The following UBR1 variants were observed in gnomAD, a reference collection of about 807,000 sequenced individuals.
The protein encoded by UBR1 is ubiquitin protein ligase E3 component n-recognin 1, also known as E3 ubiquitin-protein ligase UBR1.
A neutral mutation model predicts 242.1 loss-of-function variants in UBR1; 102 were observed. The observed-to-expected ratio is 0.42, with a 90% confidence interval of 0.36 to 0.50. The LOEUF (loss-of-function observed/expected upper bound fraction) is 0.50. Among genes scored for constraint, UBR1 ranks in the 20% least tolerant of loss-of-function variants. The pLI, the probability that UBR1 is intolerant of heterozygous loss-of-function variation, is 0.01. For synonymous variants in UBR1, 675 were observed against 684.8 expected, an observed-to-expected ratio of 0.99 and a Z score of 0.22; for missense variants, 1,772 against 2,101.8, an observed-to-expected ratio of 0.84 and a Z score of 3.07.
At chr15:43,055,953 G>A (rs569429292) in intron 11 of UBR1, among the ~76,000 whole-genome samples, 2 of 152,110 alleles carry the variant, frequency 1.3e-5, no homozygotes, top group Non-Finnish European at 2.9e-5. Context: ...GGTATACAAA[G>A]GAAGCAGAAT....
At chr15:43,077,740 T>G (rs1201274701) in intron 3 of UBR1, among the ~76,000 whole-genome samples, 2 of 151,542 alleles carry the variant, frequency 1.3e-5, no homozygotes, top group Non-Finnish European at 2.9e-5. Flanking sequence ...ATGTATAAAG[T>G]ATTTTAATTT....
intron 10 of UBR1, among the ~76,000 whole-genome samples, chr15:43,057,264 T>A (rs969435363): frequency 6.6e-6 from 1 of 152,208 alleles, no homozygotes; most frequent in Admixed American, 6.5e-5. Context: ...ACAACAAATG[T>A]CTTAGTTACT....
rs1173015137 is a variant in UBR1 at position 42,966,289 on chromosome 15, AG to A, written c.4458-4del. ...CAGGAATATCACACCCAATGGAGCT[AG>A]GAGACAATAATTCCAGAAGAGAACA... is the stretch of plus-strand genomic sequence containing the variant. On this transcript the variant is annotated splice_polypyrimidine_tract_variant and splice_region_variant and intron_variant, in intron 40 of 46. Transcript: ENST00000290650. 2 of 1,614,058 alleles carry A rather than the reference AG, an allele frequency of 1.2e-6. No homozygotes were observed. The highest frequency in any genetic ancestry group is 1.7e-6 in the Non-Finnish European group (2 of 1,180,048).
At chr15:43,037,548 T>TA (rs1352849388) in intron 17 of UBR1, among the ~76,000 whole-genome samples, 1 of 152,116 alleles carries the variant, frequency 6.6e-6, no homozygotes, top group Non-Finnish European at 1.5e-5. Context: ...GGCTTTCCCT[T>TA]AATTTATCAC....
intron 35 of UBR1, 22 bp downstream of exon 35, chr15:42,988,791 TCCAAAC>T: frequency 6.2e-7 from 1 of 1,614,074 alleles, no homozygotes; most frequent in Non-Finnish European, 8.5e-7. Flanking sequence ...CACTGAAACC[TCCAAAC>T]CAGTTTTCTT....
At chr15:43,013,456 T>C (rs1339156646) in intron 29 of UBR1, among the ~76,000 whole-genome samples, 1 of 152,242 alleles carries the variant, frequency 6.6e-6, no homozygotes. Flanking sequence ...ATACCTGTAG[T>C]TATAGGCAAT....
intron 1 of UBR1, among the ~76,000 whole-genome samples, chr15:43,094,051 C>T (rs2141367654): frequency 6.6e-6 from 1 of 152,236 alleles, no homozygotes; most frequent in East Asian, 1.9e-4. Context: ...AACTTGATTA[C>T]CCTTATGAAA....
chr15:43,052,284 T>G (rs1164932380), intron 12 of UBR1, among the ~76,000 whole-genome samples: 3 of 152,242 alleles, frequency 2.0e-5, no homozygotes, highest in African/African-American at 7.2e-5. Context: ...AGAAAAGACC[T>G]GGCAGGTATG....
chr15:43,016,718 A>C (rs1156444410), intron 28 of UBR1, among the ~76,000 whole-genome samples: 1 of 152,158 alleles, frequency 6.6e-6, no homozygotes, highest in African/African-American at 2.4e-5. Flanking sequence ...CTGGGACTAC[A>C]TGAGCAAGCC....
intron 41 of UBR1, among the ~76,000 whole-genome samples, chr15:42,965,080 T>C (rs553619645): frequency 1.8e-4 from 28 of 152,326 alleles, no homozygotes; most frequent in Non-Finnish European, 3.5e-4. Context: ...GACTTTTTTG[T>C]ATGTGAGCAA....
intron 39 of UBR1, among the ~76,000 whole-genome samples, chr15:42,974,724 T>A (rs1596081559): frequency 6.6e-6 from 1 of 152,140 alleles, no homozygotes. Flanking sequence ...TCCTTACACA[T>A]CAGCCTCCCA....
At chr15:43,010,392 A>G (rs1011698343) in intron 29 of UBR1, among the ~76,000 whole-genome samples, 1 of 152,194 alleles carries the variant, frequency 6.6e-6, no homozygotes, top group Admixed American at 6.5e-5. Flanking sequence ...ATATAAGAAC[A>G]TACATAGATT....
chr15:43,054,618 T>TCAA, intron 12 of UBR1, 124 bp downstream of exon 12: 1 of 1,078,252 alleles, frequency 9.3e-7, no homozygotes, highest in Non-Finnish European at 1.4e-6. Flanking sequence ...CAGTTCTTTG[T>TCAA]ACTTGCCATC....
intron 12 of UBR1, among the ~76,000 whole-genome samples, chr15:43,052,050 T>C (rs146870864): frequency 6.6e-6 from 1 of 152,238 alleles, no homozygotes; most frequent in Non-Finnish European, 1.5e-5. Flanking sequence ...AAAAAGCAAG[T>C]GACAAAACTA....
intron 27 of UBR1, among the ~76,000 whole-genome samples, chr15:43,019,806 A>G (rs989886145): frequency 2.1e-5 from 3 of 143,842 alleles, no homozygotes. Flanking sequence ...GGGTTTCACC[A>G]TCTTGGCCAG....
Position 43,082,722 on chromosome 15 carries a change from A to G in UBR1, c.339-6T>C, listed in dbSNP as rs1596136331. 8 of 1,613,074 alleles carry G rather than the reference A, an allele frequency of 5.0e-6. No homozygotes were observed. Among genetic ancestry groups the G allele is most frequent in the African/African-American group, 1.3e-5 (1 of 74,894 alleles). ...TTGGATCAATTGCACAATCCCTGAA[A>G]AAGATCAGAAATCAGATTCCAAAAT... On this transcript the variant is annotated splice_region_variant and splice_polypyrimidine_tract_variant and intron_variant, in intron 2 of 46. Transcript: ENST00000290650.
In UBR1 at chr15:43,015,675, T is replaced by A. The variant is rs745984112; in HGVS notation, c.3209+13A>T. On this transcript the variant is annotated intron_variant, in intron 29 of 46. Transcript: ENST00000290650. ...AAAATTGAGTTGGTAATTTTTGGTT[T>A]GCTTTATTTTACCTCTCTTCCTCCA... is the stretch of plus-strand genomic sequence containing the variant. 1.7e-5 allele frequency: 28 copies of A among 1,612,992 alleles called. No homozygotes were observed. The highest frequency in any genetic ancestry group is 2.4e-5 in the Non-Finnish European group (28 of 1,179,934).
At chr15:42,994,340 G>A (rs2032601591) in intron 33 of UBR1, among the ~76,000 whole-genome samples, 1 of 127,092 alleles carries the variant, frequency 7.9e-6, no homozygotes, top group Non-Finnish European at 1.5e-5. Flanking sequence ...TTGAGGTCAG[G>A]AGTTCAAGAT....
intron 33 of UBR1, among the ~76,000 whole-genome samples, chr15:42,997,300 G>A (rs1293088751): frequency 6.6e-6 from 1 of 152,108 alleles, no homozygotes; most frequent in African/African-American, 2.4e-5. Context: ...AGGAAAACAA[G>A]CTTAGGGCTC....
Sources: allele counts gnomAD v4.1 joint callset (sites outside exome capture counted in the v4.1 genomes callset), GRCh38; gene constraint gnomAD v4.1.1; transcripts MANE v1.5; gene names NCBI Gene and HGNC (gene_info 2026-07-23, HGNC 2026-07-21).